Variants in SCN1A observed in about 807,000 individuals in gnomAD.
SCN1A encodes the protein sodium channel protein type 1 subunit alpha.
SCN1A carries 13 observed loss-of-function variants against 193.7 expected under a neutral mutation model. The ratio of observed to expected loss-of-function variants is 0.07; its 90% CI spans 0.04 to 0.11. The LOEUF is 0.11. Among genes scored for constraint, SCN1A ranks in the 10% least tolerant of loss-of-function variants. SCN1A has a pLI of 1.00. For missense variants in SCN1A, 1,432 were observed against 2,451.1 expected (o/e 0.58, Z 8.78); for synonymous variants, 781 against 843.6 (o/e 0.93, Z 1.29).
intron 17 of SCN1A, among the ~76,000 whole-genome samples, chr2:166,039,221 G>A (rs915688369): frequency 3.9e-5 from 6 of 152,154 alleles, no homozygotes; most frequent in East Asian, 1.9e-4. Flanking sequence ...TAACTTTTAC[G>A]TAACTATGTT....
chr2:166,111,785 C>T (rs900866005), intron 2 of SCN1A, among the ~76,000 whole-genome samples: 12 of 151,910 alleles, frequency 7.9e-5, no homozygotes, highest in African/African-American at 2.9e-4. Flanking sequence ...TGGAAGAAAT[C>T]GATTCCAACT....
chr2:166,060,292 T>G (rs1280880771), intron 4 of SCN1A: 1 of 152,186 alleles, frequency 6.6e-6, no homozygotes, highest in Non-Finnish European at 1.5e-5. Context: ...CTGTGCTTAC[T>G]AGAAGAACAA....
intron 16 of SCN1A, among the ~76,000 whole-genome samples, chr2:166,039,894 T>G (rs1288971435): frequency 1.3e-5 from 2 of 148,778 alleles, no homozygotes; most frequent in African/African-American, 4.9e-5. Context: ...AAAACTAGGA[T>G]TTGAGTACAA....
intron 3 of SCN1A, among the ~76,000 whole-genome samples, chr2:166,075,994 AT>A (rs1214275438): frequency 1.3e-5 from 2 of 151,588 alleles, no homozygotes; most frequent in Admixed American, 6.6e-5. Flanking sequence ...AAAACAGCCC[AT>A]TTTTTCCTTC....
chr2:166,085,350 C>G (rs1685996783), intron 2 of SCN1A, among the ~76,000 whole-genome samples: 1 of 152,148 alleles, frequency 6.6e-6, no homozygotes, highest in African/African-American at 2.4e-5. Context: ...AATGGTTCAA[C>G]AGAAATACTT....
chr2:166,037,503 A>G (rs1481749579), intron 18 of SCN1A, among the ~76,000 whole-genome samples: 2 of 152,196 alleles, frequency 1.3e-5, no homozygotes, highest in Non-Finnish European at 2.9e-5. Context: ...TGATAAAGTG[A>G]CTGACAAAAT....
chr2:166,093,125 C>T (rs767152673), intron 2 of SCN1A, among the ~76,000 whole-genome samples: 3 of 151,502 alleles, frequency 2.0e-5, no homozygotes, highest in Non-Finnish European at 4.4e-5. Context: ...AGATGCACTG[C>T]ATGACCTAGA....
chr2:166,002,703 A>G lies in SCN1A; in HGVS notation c.4053T>C (p.Leu1351=). 1 of 1,611,486 alleles carries G rather than the reference A, an allele frequency of 6.2e-7. No homozygotes were observed. The highest frequency in any genetic ancestry group is 1.1e-5 in the South Asian group (1 of 90,930). ...TTAGCCAGAATATAAGACAAACCAG[A>G]AGCACATTCATGATGGATGGAATTG... ...LGAIPSIMNV[L]LVCLIFWLIF... is the part of the protein sequence containing the mutation. The change falls in exon 24 of 29, where the codon CTT becomes CTC. Residue 1351 remains leucine (L), a synonymous_variant. Transcript: ENST00000674923.
At position 165,989,860 on chromosome 2, in the gene SCN1A, G is replaced by C. The variant is rs1688901517; in HGVS notation, c.*1385C>G. On this transcript the variant is annotated 3_prime_UTR_variant, in exon 29 of 29. Coordinates refer to ENST00000674923, the MANE Select transcript of SCN1A (RefSeq NM_001165963.4). ...AAAATTCTAAACACATATTTAATAG[G>C]TTAAGCAGTGTGTTTTTTTAAACAT... 1 of 152,468 alleles carries C rather than the reference G, an allele frequency of 6.6e-6. No individual in the cohort carries two copies. The highest frequency in any genetic ancestry group is 6.6e-5 in the Admixed American group (1 of 15,258). The allele number at this position is 152,468 out of a possible 1,614,324, so 9.4% of individuals were successfully genotyped here.
intron 2 of SCN1A, among the ~76,000 whole-genome samples, chr2:166,093,084 GTA>G (rs1475151827): frequency 6.6e-6 from 1 of 151,906 alleles, no homozygotes; most frequent in Non-Finnish European, 1.5e-5. Context: ...TTTAAATGAA[GTA>G]AGAGTGAGTG....
chr2:166,011,205 C>G (rs186143488), intron 22 of SCN1A, among the ~76,000 whole-genome samples: 74 of 151,140 alleles, frequency 4.9e-4, no homozygotes, highest in African/African-American at 1.6e-3. Flanking sequence ...AAATATAATG[C>G]ATTCATGATT....
intron 1 of SCN1A, among the ~76,000 whole-genome samples, chr2:166,140,656 G>T (rs1692041888): frequency 6.6e-6 from 1 of 152,176 alleles, no homozygotes; most frequent in Non-Finnish European, 1.5e-5. Context: ...GTCTAAATTT[G>T]TTAGAAATGA....
At chr2:166,148,843 T>C (rs1033598241) in intron 1 of SCN1A, among the ~76,000 whole-genome samples, 12 of 152,200 alleles carry the variant, frequency 7.9e-5, no homozygotes, top group African/African-American at 2.9e-4. Context: ...TTACAGATGA[T>C]GTCCGATAAG....
chr2:166,018,495 T>C (rs1693606027), intron 19 of SCN1A, among the ~76,000 whole-genome samples: 1 of 152,050 alleles, frequency 6.6e-6, no homozygotes, highest in Admixed American at 6.6e-5. Flanking sequence ...ATCTTATATT[T>C]CTTATTTAGA....
At chr2:166,123,480 T>G (rs540556880) in intron 2 of SCN1A, 2 of 152,144 alleles carry the variant, frequency 1.3e-5, no homozygotes, top group Non-Finnish European at 2.9e-5. Context: ...TATTTTTTAA[T>G]TTTTAAAAAA....
At chr2:166,016,465 AAACAAC>A (rs751021854) in intron 19 of SCN1A, 4 of 152,050 alleles carry the variant, frequency 2.6e-5, no homozygotes, top group Non-Finnish European at 4.4e-5. Flanking sequence ...AAATCTAGTT[AAACAAC>A]AACAACAATA....
chr2:166,090,625 A>G (rs1364000404), intron 2 of SCN1A, among the ~76,000 whole-genome samples: 1 of 152,168 alleles, frequency 6.6e-6, no homozygotes, highest in Non-Finnish European at 1.5e-5. Flanking sequence ...ACCAGTCACT[A>G]GGTATGAGAC....
Position 166,054,697 on chromosome 2 carries a change from T to A in SCN1A, c.543A>T (p.Glu181Asp). 6.2e-7 allele frequency: 1 copy of A among 1,612,230 alleles called. No individual in the cohort carries two copies. Among genetic ancestry groups the A allele is most frequent in the African/African-American group, 1.3e-5 (1 of 74,954 alleles). The change falls in exon 7 of 29, where the codon GAA becomes GAT. Residue 181 changes from glutamate to aspartate, a missense_variant. Physicochemically the swap from Glu to Asp is conservative, Grantham distance 45 (BLOSUM62 2). Coordinates refer to ENST00000674923, the MANE Select transcript of SCN1A (RefSeq NM_001165963.4). Reference sequence around the variant, plus strand: ...ATGGATCCCGAAGGAAAGTAAAATCTTCTAAACAGAATCCCCTTGCAATAA... The same window carrying A: ...ATGGATCCCGAAGGAAAGTAAAATCATCTAAACAGAATCCCCTTGCAATAA... The part of the protein sequence containing the change: ...IKIIARGFCL[E>D]DFTFLRDPWN...
chr2:166,124,322 G>T (rs1419920678), intron 2 of SCN1A, among the ~76,000 whole-genome samples: 3 of 151,918 alleles, frequency 2.0e-5, no homozygotes, highest in Non-Finnish European at 2.9e-5. Context: ...GCTGAGGCAG[G>T]CAGATCACTT....
Sources: gnomAD v4.1 joint callset for allele counts (sites outside exome capture counted in the v4.1 genomes callset) on GRCh38, gnomAD v4.1.1 for gene constraint, MANE v1.5 for transcripts, NCBI Gene and HGNC (gene_info 2026-07-23, HGNC 2026-07-21) for gene names.